Variants in NRXN1 observed in about 807,000 individuals in gnomAD.
NRXN1 encodes the protein neurexin-1.
NRXN1 carries 39 observed loss-of-function variants against 150.9 expected under a neutral mutation model. The observed-to-expected ratio is 0.26, with a 90% CI of 0.20 to 0.34. The LOEUF is 0.34. NRXN1 is among the 10% of genes least tolerant of loss of function. The probability of loss-of-function intolerance (pLI) is 1.00; values close to 1 mark genes in which losing one functional copy is unlikely to be tolerated. For missense variants in NRXN1, 1,815 were observed against 1,949.9 expected (o/e 0.93, Z 1.30); for synonymous variants, 924 against 757.0 (o/e 1.22, Z -3.62).
chr2:49,931,411 CTATT>C, intron 22 of NRXN1, among the ~76,000 whole-genome samples: 1 of 152,146 alleles, frequency 6.6e-6, no homozygotes, highest in African/African-American at 2.4e-5. Flanking sequence ...AGTCACTAAG[CTATT>C]TAAAGTTAAC....
chr2:50,284,663 C>G (rs767300793), intron 17 of NRXN1, among the ~76,000 whole-genome samples: 12 of 152,196 alleles, frequency 7.9e-5, no homozygotes, highest in Non-Finnish European at 1.5e-4. Flanking sequence ...CCTCCTCCCA[C>G]TCTTATCTAC....
chr2:50,748,900 T>G (rs1211795023), intron 5 of NRXN1, among the ~76,000 whole-genome samples: 2 of 152,056 alleles, frequency 1.3e-5, no homozygotes, highest in Non-Finnish European at 2.9e-5. Context: ...TTTGGAGGAG[T>G]TGAATACAGT....
At chr2:50,295,802 C>T (rs569458502) in intron 17 of NRXN1, among the ~76,000 whole-genome samples, 3 of 152,222 alleles carry the variant, frequency 2.0e-5, no homozygotes, top group South Asian at 2.1e-4. Context: ...CTCACAAAAC[C>T]GCAATGCAGA....
At chr2:50,230,533 C>T (rs1052148707) in intron 18 of NRXN1, among the ~76,000 whole-genome samples, 1 of 151,918 alleles carries the variant, frequency 6.6e-6, no homozygotes, top group African/African-American at 2.4e-5. Flanking sequence ...TAGAAAAGTA[C>T]TCAGAATGGA....
At chr2:50,793,452 TC>T (rs1328000550) in intron 5 of NRXN1, among the ~76,000 whole-genome samples, 1 of 152,074 alleles carries the variant, frequency 6.6e-6, no homozygotes, top group Non-Finnish European at 1.5e-5. Context: ...GGTGTAACGT[TC>T]CGCTTAACCT....
chr2:50,181,632 T>C (rs1227566972), intron 18 of NRXN1, among the ~76,000 whole-genome samples: 1 of 152,136 alleles, frequency 6.6e-6, no homozygotes, highest in Non-Finnish European at 1.5e-5. Flanking sequence ...ACTAGGACTT[T>C]TTTTTAATCG....
intron 17 of NRXN1, among the ~76,000 whole-genome samples, chr2:50,352,776 T>TAATAATATAATAATAATA (rs1478736717): frequency 4.8e-5 from 4 of 84,028 alleles, no homozygotes; most frequent in Non-Finnish European, 7.2e-5. Context: ...ATAATAATAA[T>TAATAATATAATAATAATA]ATTATAATAA....
intron 2 of NRXN1, among the ~76,000 whole-genome samples, chr2:50,995,586 C>G (rs988325731): frequency 7.8e-6 from 1 of 128,004 alleles, no homozygotes; most frequent in African/African-American, 3.0e-5. Context: ...GCCTGGGTGA[C>G]AGAGCTAGAC....
At chr2:50,972,409 T>TAG (rs1695146951) in intron 2 of NRXN1, among the ~76,000 whole-genome samples, 2 of 152,096 alleles carry the variant, frequency 1.3e-5, no homozygotes, top group South Asian at 4.1e-4. Flanking sequence ...CACCTCCACA[T>TAG]AGAGACACAG....
intron 8 of NRXN1, among the ~76,000 whole-genome samples, chr2:50,614,646 T>C (rs762126929): frequency 1.5e-5 from 2 of 131,816 alleles, no homozygotes; most frequent in Non-Finnish European, 3.2e-5. Context: ...TAAAAATATA[T>C]ATATATATAT....
intron 16 of NRXN1, among the ~76,000 whole-genome samples, chr2:50,468,288 G>T (rs1373700771): frequency 1.3e-5 from 2 of 151,600 alleles, no homozygotes; most frequent in Non-Finnish European, 3.0e-5. Context: ...ATATTGTAGA[G>T]CAGCAACTCA....
intron 18 of NRXN1, among the ~76,000 whole-genome samples, chr2:50,219,424 C>A (rs1463326657): frequency 6.6e-6 from 1 of 150,804 alleles, no homozygotes; most frequent in Admixed American, 6.6e-5. Flanking sequence ...AATTTGTCCT[C>A]AAGTCTAGTT....
chr2:50,718,453 C>T (rs1559164102), intron 5 of NRXN1, among the ~76,000 whole-genome samples: 1 of 152,086 alleles, frequency 6.6e-6, no homozygotes, highest in Non-Finnish European at 1.5e-5. Context: ...AAACTGTTTA[C>T]AGTTATATTT....
intron 18 of NRXN1, among the ~76,000 whole-genome samples, chr2:50,128,188 A>G (rs1704892698): frequency 6.6e-6 from 1 of 152,176 alleles, no homozygotes; most frequent in South Asian, 2.1e-4. Flanking sequence ...ACATGGTAGG[A>G]GCTATAGGTG....
At chr2:49,970,816 G>A (rs1309198934) in intron 21 of NRXN1, among the ~76,000 whole-genome samples, 1 of 152,052 alleles carries the variant, frequency 6.6e-6, no homozygotes, top group Non-Finnish European at 1.5e-5. Flanking sequence ...GCAAATGGAT[G>A]CCATTTTTTT....
At chr2:50,831,193 A>G (rs142312194) in intron 5 of NRXN1, among the ~76,000 whole-genome samples, 1 of 152,222 alleles carries the variant, frequency 6.6e-6, no homozygotes, top group African/African-American at 2.4e-5. Flanking sequence ...AAATTCTCAC[A>G]CAATGGAAAC....
At chr2:50,145,150 A>T (rs1244891252) in intron 18 of NRXN1, among the ~76,000 whole-genome samples, 1 of 151,776 alleles carries the variant, frequency 6.6e-6, no homozygotes, top group East Asian at 1.9e-4. Context: ...ATGATTTTTA[A>T]AAACTGCATT....
At position 50,921,850 on chromosome 2, in the gene NRXN1, A is replaced by T. The variant is rs1686083688; in HGVS notation, c.832+19T>A. On this transcript the variant is annotated intron_variant, in intron 5 of 22. Transcript: ENST00000401669. The stretch of plus-strand genomic sequence containing the variant: ...AATTCATACAGATGATATTAAGAAG[A>T]AATAAAATAATGTAATACCTTTACT... 7.9e-7 allele frequency: 1 copy of T among 1,267,440 alleles called. No individual in the cohort carries two copies. The highest frequency in any genetic ancestry group is 1.1e-6 in the Non-Finnish European group (1 of 934,766). The allele number at this position is 1,267,440 out of a possible 1,614,324, so 78.5% of individuals were successfully genotyped here.
intron 2 of NRXN1, among the ~76,000 whole-genome samples, chr2:51,021,873 T>C (rs1669668866): frequency 6.6e-6 from 1 of 152,060 alleles, no homozygotes; most frequent in African/African-American, 2.4e-5. Context: ...CAGGTATTAG[T>C]TTATGTGGAA....
Sources: allele counts gnomAD v4.1 joint callset (sites outside exome capture counted in the v4.1 genomes callset), GRCh38; gene constraint gnomAD v4.1.1; transcripts MANE v1.5; gene names NCBI Gene and HGNC (gene_info 2026-07-23, HGNC 2026-07-21).